ERP27: variants seen among roughly 807,000 people sequenced by gnomAD.
The protein encoded by ERP27 is endoplasmic reticulum protein 27, also known as endoplasmic reticulum resident protein 27.
Under a neutral mutation model 27.7 loss-of-function variants are expected in ERP27, and 23 were observed. That is an observed-to-expected ratio of 0.83 (90% confidence interval 0.60 to 1.18). The LOEUF (loss-of-function observed/expected upper bound fraction) is 1.18, where lower values mean the gene tolerates loss of function less well. ERP27 is among the 50% of genes most tolerant of loss of function. ERP27 has a pLI of 0.00. For synonymous variants in ERP27, 159 were observed against 118.3 expected (o/e 1.34, Z -2.23); for missense variants, 363 against 327.9 (o/e 1.11, Z -0.83).
Position 14,926,428 on chromosome 12 carries a change from T to C in ERP27, c.334-5380A>G, listed in dbSNP as rs558574128. On this transcript the variant is annotated intron_variant, in intron 3 of 6. Transcript: ENST00000266397. Reference sequence around the variant, plus strand: ...TAATCTTTGTCTTTTAATTGGATTATTTCCACGAAATGAAATTACTGGTGT... The same window carrying C: ...TAATCTTTGTCTTTTAATTGGATTACTTCCACGAAATGAAATTACTGGTGT... Among the ~76,000 whole-genome samples, 326 of 152,384 alleles carry C rather than the reference T, an allele frequency of 2.1e-3. 2 individuals carry two copies. The highest frequency in any genetic ancestry group is 7.5e-3 in the African/African-American group (310 of 41,600).
At chr12:14,919,613 G>A (rs1403846541) in intron 4 of ERP27, among the ~76,000 whole-genome samples, 1 of 152,146 alleles carries the variant, frequency 6.6e-6, no homozygotes, top group Non-Finnish European at 1.5e-5. Flanking sequence ...CAAGAAAAGG[G>A]GTGTTTCCTG....
At chr12:14,919,297 T>C (rs1030071865) in intron 4 of ERP27, among the ~76,000 whole-genome samples, 10 of 152,220 alleles carry the variant, frequency 6.6e-5, no homozygotes, top group Non-Finnish European at 1.2e-4. Context: ...CCTTCACTAA[T>C]AATATGGAAC....
chr12:14,918,395 A>G, intron 4 of ERP27, among the ~76,000 whole-genome samples: 1 of 152,324 alleles, frequency 6.6e-6, no homozygotes, highest in East Asian at 1.9e-4. Context: ...TGTTTTGCTG[A>G]TTAGAGATGG....
Position 14,914,570 on chromosome 12 carries a change from G to GTA in ERP27, c.*164_*165insTA, listed in dbSNP as rs1863375132. 1 of 546,354 alleles carries GTA rather than the reference G, an allele frequency of 1.8e-6. No homozygotes were observed. Among genetic ancestry groups the GTA allele is most frequent in the Non-Finnish European group, 3.1e-6 (1 of 321,160 alleles). The allele number at this position is 546,354 out of a possible 1,614,324, so 33.8% of individuals were successfully genotyped here. On this transcript the variant is annotated 3_prime_UTR_variant, in exon 7 of 7. Coordinates refer to ENST00000266397, the MANE Select transcript of ERP27 (RefSeq NM_152321.4). ...AGGAAATGAAGCTCTGTGTGTGTGT[G>GTA]TGTGTGTGCGTGTGTGTGTGCACGC...
intron 3 of ERP27, among the ~76,000 whole-genome samples, chr12:14,923,524 T>TATC (rs1555098942): frequency 3.3e-5 from 5 of 151,730 alleles, no homozygotes; most frequent in African/African-American, 9.7e-5. Context: ...TCTATCTATC[T>TATC]ATCTATCTAT....
intron 5 of ERP27, 73 bp from the exon 6 acceptor site, chr12:14,915,759 T>C (rs1863401560): frequency 1.5e-6 from 2 of 1,332,180 alleles, no homozygotes; most frequent in African/African-American, 1.5e-5. Flanking sequence ...TACCTTGTAA[T>C]TGTTGCAGCT....
intron 3 of ERP27, among the ~76,000 whole-genome samples, chr12:14,931,786 ACTAAG>A (rs2120612915): frequency 6.6e-6 from 1 of 152,158 alleles, no homozygotes; most frequent in South Asian, 2.1e-4. Context: ...TCTTGGTGGT[ACTAAG>A]CCTTTTAAAT....
Position 14,914,712 on chromosome 12 carries a change from C to A in ERP27, c.*23G>T. 1 of 1,606,202 alleles carries A rather than the reference C, an allele frequency of 6.2e-7. No homozygotes were observed. Among genetic ancestry groups the A allele is most frequent in the African/African-American group, 1.3e-5 (1 of 74,706 alleles). ...TACTTTGCATAAAGTAGATACTTGGCCATATGTAGTTCCAAGGAGAAGTCA... is the reference window on the plus strand; with the variant it reads ...TACTTTGCATAAAGTAGATACTTGGACATATGTAGTTCCAAGGAGAAGTCA... On this transcript the variant is annotated 3_prime_UTR_variant, in exon 7 of 7. Transcript: ENST00000266397.
intron 3 of ERP27, among the ~76,000 whole-genome samples, chr12:14,932,069 C>T (rs527584404): frequency 6.6e-6 from 1 of 152,124 alleles, no homozygotes; most frequent in African/African-American, 2.4e-5. Flanking sequence ...TTCAGACATG[C>T]TTTTGGAGGT....
intron 6 of ERP27, 86 bp downstream of exon 6, chr12:14,915,403 T>C (rs1359445802): frequency 6.9e-7 from 1 of 1,457,394 alleles, no homozygotes; most frequent in Non-Finnish European, 9.4e-7. Context: ...CTCCTCCCTC[T>C]CTGAGCCCAA....
chr12:14,918,807 T>TA (rs1021878175), intron 4 of ERP27, among the ~76,000 whole-genome samples: 4 of 152,230 alleles, frequency 2.6e-5, no homozygotes, highest in African/African-American at 9.6e-5. Context: ...CCGTGGAGTT[T>TA]AAAATCAAGT....
intron 3 of ERP27, among the ~76,000 whole-genome samples, chr12:14,933,785 C>T (rs1031263599): frequency 2.0e-5 from 3 of 152,168 alleles, no homozygotes; most frequent in South Asian, 2.1e-4. Context: ...TGCCTGCTTT[C>T]CATAACTGTG....
chr12:14,914,624 G>A lies in ERP27; in HGVS notation c.*111C>T, dbSNP rs1863379821. On this transcript the variant is annotated 3_prime_UTR_variant, in exon 7 of 7. Coordinates refer to ENST00000266397, the MANE Select transcript of ERP27 (RefSeq NM_152321.4). ...CGTGCGTGTGTGCACGTGCGTGTGT[G>A]TGTGGTTGGCAGGCCTAGTGATCCT... 2 of 894,064 alleles carry A rather than the reference G, an allele frequency of 2.2e-6. No individual in the cohort carries two copies. Among genetic ancestry groups the A allele is most frequent in the Non-Finnish European group, 3.6e-6 (2 of 560,194 alleles). 55.4% of individuals were successfully genotyped at this position (894,064 alleles called of 1,614,324 possible). A position where few individuals can be genotyped will look rare whatever the true frequency, so the allele number is the denominator to read the frequency against.
intron 2 of ERP27, 40 bp downstream of exon 2, chr12:14,937,912 C>A (rs998737593): frequency 1.5e-5 from 24 of 1,574,984 alleles, no homozygotes; most frequent in Non-Finnish European, 2.1e-5. Flanking sequence ...TAAGGTAGAA[C>A]ATTTCTGGCT....
intron 4 of ERP27, 74 bp downstream of exon 4, chr12:14,920,858 G>C: frequency 9.2e-7 from 1 of 1,090,018 alleles, no homozygotes; most frequent in Non-Finnish European, 1.4e-6. Context: ...GGGAGGAAGA[G>C]ACCTCTGTTA....
chr12:14,922,120 T>C lies in ERP27; in HGVS notation c.334-1072A>G, dbSNP rs147995955. Among the ~76,000 whole-genome samples, 555 of 152,350 alleles carry C rather than the reference T, an allele frequency of 3.6e-3. 1 individual carries two copies. The highest frequency in any genetic ancestry group is 6.6e-3 in the Non-Finnish European group (451 of 68,020). Reference sequence around the variant, plus strand: ...GCCATAATGAACACTTCTTGACTTTTAGTACATATATGCCTCTGTATCCAC... The same window carrying C: ...GCCATAATGAACACTTCTTGACTTTCAGTACATATATGCCTCTGTATCCAC... On this transcript the variant is annotated intron_variant, in intron 3 of 6. Transcript: ENST00000266397.
chr12:14,933,192 A>G (rs757451843), intron 3 of ERP27, among the ~76,000 whole-genome samples: 2 of 152,182 alleles, frequency 1.3e-5, no homozygotes, highest in African/African-American at 4.8e-5. Context: ...ACTGAACAGA[A>G]CAGTCTTTGC....
rs549359327 is a variant in ERP27 at position 14,917,020 on chromosome 12, T to G, written c.576+158A>C. ...TTAATATGATAAAATACAACATCTC[T>G]AATTTCAAATAATGTGATTTATTAT... On this transcript the variant is annotated intron_variant, in intron 5 of 6. Coordinates refer to ENST00000266397, the MANE Select transcript of ERP27 (RefSeq NM_152321.4). Among the ~76,000 whole-genome samples, 5 of 152,368 alleles carry G rather than the reference T, an allele frequency of 3.3e-5. No homozygotes were observed. In the East Asian group the frequency reaches 7.7e-4, roughly 23 times the overall value.
At chr12:14,932,013 C>T (rs1863704840) in intron 3 of ERP27, among the ~76,000 whole-genome samples, 5 of 152,134 alleles carry the variant, frequency 3.3e-5, no homozygotes, top group Admixed American at 3.3e-4. Context: ...AAACCAGCAA[C>T]CACTGTGCAG....
Sources: allele counts gnomAD v4.1 joint callset (sites outside exome capture counted in the v4.1 genomes callset), GRCh38; gene constraint gnomAD v4.1.1; transcripts MANE v1.5; gene names NCBI Gene and HGNC (gene_info 2026-07-23, HGNC 2026-07-21).